The following RALGAPA1 variants were observed in gnomAD, a reference collection of about 807,000 sequenced individuals.
RALGAPA1 encodes ral GTPase-activating protein subunit alpha-1.
In RALGAPA1, 52 loss-of-function variants were observed where a neutral mutation model predicts 269.6. The ratio of observed to expected loss-of-function variants is 0.19; its 90% CI spans 0.15 to 0.24. RALGAPA1 has a LOEUF of 0.24. Ranked by LOEUF, RALGAPA1 falls within the 10% of genes least tolerant of loss-of-function variation. The pLI, the probability that RALGAPA1 is intolerant of heterozygous loss-of-function variation, is 1.00. For synonymous variants in RALGAPA1, 817 were observed against 1,008.3 expected (o/e 0.81, Z 3.60); for missense variants, 1,917 against 3,013.9 (o/e 0.64, Z 8.52).
At chr14:35,590,150 T>A (rs2058550945) in intron 37 of RALGAPA1, among the ~76,000 whole-genome samples, 1 of 152,232 alleles carries the variant, frequency 6.6e-6, no homozygotes, top group South Asian at 2.1e-4. Context: ...ATTATCAGTA[T>A]TGATGTCTTA....
At position 35,758,076 on chromosome 14, in the gene RALGAPA1, C is replaced by T. The variant is rs139192279; in HGVS notation, c.548-1168G>A. On this transcript the variant is annotated intron_variant, in intron 6 of 41. Coordinates refer to ENST00000680220, the MANE Select transcript of RALGAPA1 (RefSeq NM_001346249.2). Reference sequence around the variant, plus strand: ...TCAGCCTTGGCCAACATGGTAAAACCCCATCTCTACTAAAAATACAAAAAA... The same window carrying T: ...TCAGCCTTGGCCAACATGGTAAAACTCCATCTCTACTAAAAATACAAAAAA... Among the ~76,000 whole-genome samples, 587 of 151,696 alleles carry T rather than the reference C, an allele frequency of 3.9e-3. 4 individuals carry two copies. The highest frequency in any genetic ancestry group is 0.013 in the African/African-American group (557 of 41,408).
chr14:35,785,768 G>A (rs1367829993), intron 1 of RALGAPA1, among the ~76,000 whole-genome samples: 1 of 152,182 alleles, frequency 6.6e-6, no homozygotes, highest in Non-Finnish European at 1.5e-5. Flanking sequence ...AAGCTGAGAT[G>A]ACCTTCTCAA....
intron 36 of RALGAPA1, among the ~76,000 whole-genome samples, chr14:35,596,682 C>T (rs1212094749): frequency 1.3e-5 from 2 of 151,912 alleles, no homozygotes; most frequent in East Asian, 3.8e-4. Flanking sequence ...TCAATCTCTT[C>T]CAGTTTAAAA....
chr14:35,788,089 A>T (rs1470247479), intron 1 of RALGAPA1, among the ~76,000 whole-genome samples: 1 of 152,082 alleles, frequency 6.6e-6, no homozygotes, highest in African/African-American at 2.4e-5. Context: ...CTCCTGCCTC[A>T]GCCTCCCGGG....
At chr14:35,559,018 C>G (rs1212317314) in intron 39 of RALGAPA1, among the ~76,000 whole-genome samples, 1 of 152,170 alleles carries the variant, frequency 6.6e-6, no homozygotes, top group Non-Finnish European at 1.5e-5. Context: ...AATTTCACTT[C>G]ACATACCTTA....
In RALGAPA1 at chr14:35,645,708, C is replaced by T. The variant is rs559367984; in HGVS notation, c.5676+6097G>A. Among the ~76,000 whole-genome samples, 5 of 139,670 alleles carry T rather than the reference C, an allele frequency of 3.6e-5. No homozygotes were observed. In the East Asian group the frequency reaches 6.7e-4, roughly 19 times the overall value. The allele number at this position is 139,670 out of a possible 152,430, so 91.6% of individuals were successfully genotyped here. A position where few individuals can be genotyped will look rare whatever the true frequency, so the allele number is the denominator to read the frequency against. On this transcript the variant is annotated intron_variant, in intron 31 of 41. Transcript: ENST00000680220. ...TCGCGCCGGGGCACTCCAGCCTGGG[C>T]GACAGAGCGAGACTCCATCTCCAAA... is the stretch of plus-strand genomic sequence containing the variant.
intron 24 of RALGAPA1, 95 bp from the exon 25 acceptor site, chr14:35,673,117 A>C: frequency 3.2e-4 from 385 of 1,213,334 alleles, no homozygotes; most frequent in Non-Finnish European, 3.8e-4. Flanking sequence ...ATATAATCTC[A>C]TTTATTTCCA....
intron 14 of RALGAPA1, among the ~76,000 whole-genome samples, chr14:35,724,542 G>A (rs1015669756): frequency 5.9e-5 from 9 of 151,720 alleles, no homozygotes; most frequent in African/African-American, 2.2e-4. Flanking sequence ...ACTGAGAAGG[G>A]AGGATAATAA....
At chr14:35,576,675 T>C (rs1386527063) in intron 37 of RALGAPA1, among the ~76,000 whole-genome samples, 1 of 152,220 alleles carries the variant, frequency 6.6e-6, no homozygotes, top group Non-Finnish European at 1.5e-5. Context: ...GACAATTCAT[T>C]AAATTTCCAC....
chr14:35,801,179 C>A (rs572999856), intron 1 of RALGAPA1, among the ~76,000 whole-genome samples: 100 of 150,810 alleles, frequency 6.6e-4, no homozygotes, highest in South Asian at 2.7e-3. Context: ...AAAAGAAAGA[C>A]AAATTATCAG....
In RALGAPA1 at chr14:35,648,671, G is replaced by A. The variant is rs150599411; in HGVS notation, c.5676+3134C>T. On this transcript the variant is annotated intron_variant, in intron 31 of 41. Transcript: ENST00000680220. ...ACAATAATTAGCTGGGCATGGTGGC[G>A]TACGCCTGTGGTCCCATTTTGGGGG... Among the ~76,000 whole-genome samples, 9 of 152,172 alleles carry A rather than the reference G, an allele frequency of 5.9e-5. No homozygotes were observed. In the East Asian group the frequency reaches 1.5e-3, roughly 26 times the overall value.
At chr14:35,660,820 A>G (rs2063493250) in intron 27 of RALGAPA1, among the ~76,000 whole-genome samples, 1 of 152,202 alleles carries the variant, frequency 6.6e-6, no homozygotes, top group Non-Finnish European at 1.5e-5. Context: ...TTGTGACAAT[A>G]TGAATCAACC....
intron 27 of RALGAPA1, among the ~76,000 whole-genome samples, chr14:35,661,969 G>C (rs2063562988): frequency 6.6e-6 from 1 of 152,170 alleles, no homozygotes; most frequent in African/African-American, 2.4e-5. Flanking sequence ...GAGTTACCAA[G>C]AGTTTGGGGT....
intron 37 of RALGAPA1, among the ~76,000 whole-genome samples, chr14:35,586,760 G>T (rs192441551): frequency 1.8e-4 from 28 of 152,232 alleles, no homozygotes; most frequent in African/African-American, 6.7e-4. Flanking sequence ...GCTGGATTAC[G>T]TTCATTGATT....
At chr14:35,584,157 G>T (rs528694449) in intron 37 of RALGAPA1, among the ~76,000 whole-genome samples, 1 of 151,856 alleles carries the variant, frequency 6.6e-6, no homozygotes, top group Non-Finnish European at 1.5e-5. Flanking sequence ...ATATATATAG[G>T]TTTATATATA....
intron 22 of RALGAPA1, chr14:35,677,686 C>A: frequency 2.8e-6 from 1 of 360,580 alleles, no homozygotes; most frequent in African/African-American, 2.2e-5. Context: ...CTACCAATAT[C>A]AATAAATGAT....
At chr14:35,647,279 T>C (rs1426523186) in intron 31 of RALGAPA1, among the ~76,000 whole-genome samples, 1 of 152,216 alleles carries the variant, frequency 6.6e-6, no homozygotes, top group Non-Finnish European at 1.5e-5. Flanking sequence ...ATTTATCTTT[T>C]AAAACCTGTT....
chr14:35,755,658 C>T (rs2073104787), intron 7 of RALGAPA1, among the ~76,000 whole-genome samples: 1 of 152,166 alleles, frequency 6.6e-6, no homozygotes, highest in Non-Finnish European at 1.5e-5. Context: ...TTATTCTAAG[C>T]ACTGTGCACT....
chr14:35,546,615 C>T (rs2054482447), intron 41 of RALGAPA1, among the ~76,000 whole-genome samples: 1 of 151,860 alleles, frequency 6.6e-6, no homozygotes, highest in African/African-American at 2.4e-5. Flanking sequence ...ATTTTATATA[C>T]ATAGGGTGTG....
Sources: allele counts gnomAD v4.1 joint callset (sites outside exome capture counted in the v4.1 genomes callset), GRCh38; gene constraint gnomAD v4.1.1; transcripts MANE v1.5; gene names NCBI Gene and HGNC (gene_info 2026-07-23, HGNC 2026-07-21).